DMRT3: variants seen among roughly 807,000 people sequenced by gnomAD.
DMRT3 encodes the protein doublesex and mab-3 related transcription factor 3.
Under a neutral mutation model 34.9 loss-of-function variants are expected in DMRT3, and 29 were observed. That is an observed-to-expected ratio of 0.83 (90% CI 0.62 to 1.13). The LOEUF is 1.13. Among genes scored for constraint, DMRT3 ranks in the 50% most tolerant of loss-of-function variants. The pLI, the probability that DMRT3 is intolerant of heterozygous loss-of-function variation, is 0.00. For missense variants in DMRT3, 772 were observed against 629.1 expected (o/e 1.23, Z -2.43); for synonymous variants, 350 against 286.0 (o/e 1.22, Z -2.26).
intron 1 of DMRT3, among the ~76,000 whole-genome samples, chr9:987,015 T>C (rs1820293185): frequency 6.6e-6 from 1 of 152,320 alleles, no homozygotes; most frequent in Admixed American, 6.5e-5. Context: ...ACTATGACAC[T>C]GTGTGGCATA....
chr9:979,210 T>C (rs930968991), intron 1 of DMRT3, among the ~76,000 whole-genome samples: 17 of 152,124 alleles, frequency 1.1e-4, no homozygotes, highest in African/African-American at 3.9e-4. Context: ...CTAAAGTTCA[T>C]GATTTCTAAA....
rs1161917549 is a variant in DMRT3, at chr9:976,837, T to G, written c.-165T>G. On this transcript the variant is annotated 5_prime_UTR_variant, in exon 1 of 2. Transcript: ENST00000190165. The surrounding 1 kb of genome is among the most constrained non-coding windows in gnomAD (Gnocchi z 4.5). Reference sequence around the variant, plus strand: ...GCGCGAAGGGAGCTGGAGAGACGACTGCGGCACCTCCGGCCGCCCCGGAGC... The same window carrying G: ...GCGCGAAGGGAGCTGGAGAGACGACGGCGGCACCTCCGGCCGCCCCGGAGC... 15 of 600,076 alleles carry G rather than the reference T, an allele frequency of 2.5e-5. No individual in the cohort carries two copies. The highest frequency in any genetic ancestry group is 3.5e-5 in the Non-Finnish European group (14 of 397,036). The allele number at this position is 600,076 out of a possible 1,614,324, so 37.2% of individuals were successfully genotyped here.
At chr9:984,778 C>T (rs904709750) in intron 1 of DMRT3, among the ~76,000 whole-genome samples, 1 of 152,044 alleles carries the variant, frequency 6.6e-6, no homozygotes, top group Admixed American at 6.6e-5. Context: ...TTTTATGCAT[C>T]GTGAGCAGAA....
In DMRT3 at chr9:990,391, C is replaced by A; in HGVS notation, c.805C>A (p.Leu269Ile). 6.2e-7 allele frequency: 1 copy of A among 1,614,092 alleles called. No individual in the cohort carries two copies. Among genetic ancestry groups the A allele is most frequent in the Non-Finnish European group, 8.5e-7 (1 of 1,180,046 alleles). ...FPNQKPTVLE[L>I]ILKGCGGDLV... ...CAACCAGAAGCCAACGGTGCTTGAG[C>A]TCATCCTCAAGGGCTGTGGCGGGGA... The change falls in exon 2 of 2, where the codon CTC becomes ATC. Residue 269 changes from leucine (L) to isoleucine (I), a missense_variant. Coordinates refer to ENST00000190165, the MANE Select transcript of DMRT3 (RefSeq NM_021240.4).
intron 1 of DMRT3, among the ~76,000 whole-genome samples, chr9:982,748 C>T (rs576298227): frequency 2.6e-5 from 4 of 152,336 alleles, no homozygotes; most frequent in East Asian, 3.9e-4. Flanking sequence ...TTCTTCCTGA[C>T]GGGAAGGAGG....
chr9:987,479 T>A (rs930323192), intron 1 of DMRT3, among the ~76,000 whole-genome samples: 1 of 151,414 alleles, frequency 6.6e-6, no homozygotes, highest in Admixed American at 6.6e-5. Context: ...TATACATTCA[T>A]GCACTGATGG....
chr9:986,449 C>G (rs886070837), intron 1 of DMRT3, among the ~76,000 whole-genome samples: 1 of 152,100 alleles, frequency 6.6e-6, no homozygotes, highest in Non-Finnish European at 1.5e-5. Context: ...TTTCTGGAGA[C>G]TGAAGTGTAC....
At position 976,980 on chromosome 9, in the gene DMRT3, A is replaced by AACTC; in HGVS notation, c.-20_-17dup. On this transcript the variant is annotated 5_prime_UTR_variant, in exon 1 of 2. Coordinates refer to ENST00000190165, the MANE Select transcript of DMRT3 (RefSeq NM_021240.4). This position sits in a 1 kb window ranked among gnomAD's most constrained non-coding sequence, Gnocchi z 4.5. ...GGCCCTCTCCCGCAGCCAGGCTGCCAACTCATTCGGGAGCCCGGGGCATGA... is the reference window on the plus strand; with the variant it reads ...GGCCCTCTCCCGCAGCCAGGCTGCCAACTCACTCATTCGGGAGCCCGGGGCATGA... 1 of 1,462,334 alleles carries AACTC rather than the reference A, an allele frequency of 6.8e-7. No homozygotes were observed. 90.6% of individuals were successfully genotyped at this position (1,462,334 alleles called of 1,614,324 possible). A position where few individuals can be genotyped will look rare whatever the true frequency, so the allele number is the denominator to read the frequency against.
At position 990,176 on chromosome 9, in the gene DMRT3, T is replaced by G; in HGVS notation, c.590T>G (p.Ile197Arg). 1.2e-6 allele frequency: 2 copies of G among 1,613,718 alleles called. No individual in the cohort carries two copies. The highest frequency in any genetic ancestry group is 2.7e-5 in the African/African-American group (2 of 74,878). The change falls in exon 2 of 2, where the codon ATA (isoleucine) becomes AGA (arginine). Residue 197 changes from isoleucine (I) to arginine (R), a missense_variant. Coordinates refer to ENST00000190165, the MANE Select transcript of DMRT3 (RefSeq NM_021240.4). The stretch of plus-strand genomic sequence containing the variant: ...TGCTTCACCCCTGAGAGCCCTGAGA[T>G]AGTGTCCGTGGAGGAAGGGGGATAC... Reference protein sequence around the residue: ...KGCFTPESPEIVSVEEGGYAV... With the variant: ...KGCFTPESPERVSVEEGGYAV...
At chr9:986,128 G>C (rs1820279990) in intron 1 of DMRT3, among the ~76,000 whole-genome samples, 1 of 152,192 alleles carries the variant, frequency 6.6e-6, no homozygotes, top group South Asian at 2.1e-4. Context: ...CAGGGGCAAA[G>C]GGTAACACAA....
At chr9:986,895 A>AC in intron 1 of DMRT3, among the ~76,000 whole-genome samples, 1 of 151,444 alleles carries the variant, frequency 6.6e-6, no homozygotes, top group African/African-American at 2.4e-5. Flanking sequence ...TGTCTCAAAA[A>AC]AAAAAAAAAA....
intron 1 of DMRT3, among the ~76,000 whole-genome samples, chr9:985,066 T>C (rs1007039922): frequency 1.3e-5 from 2 of 152,228 alleles, no homozygotes; most frequent in African/African-American, 4.8e-5. Flanking sequence ...TAATTGAATA[T>C]CTACTTCTTT....
Position 977,017 on chromosome 9 carries a change from TC to T in DMRT3, c.21del (p.Tyr8ThrfsTer146). 1 of 1,515,292 alleles carries T rather than the reference TC, an allele frequency of 6.6e-7. No homozygotes were observed. Among genetic ancestry groups the T allele is most frequent in the Non-Finnish European group, 8.8e-7 (1 of 1,133,078 alleles). The allele number at this position is 1,515,292 out of a possible 1,614,324, so 93.9% of individuals were successfully genotyped here. On this transcript the variant is annotated frameshift_variant, in exon 1 of 2. Transcript: ENST00000190165. LOFTEE classifies it high-confidence loss of function. The part of the protein sequence containing the change: MNGYG[S>X]PYLYMGGPVS... ...AGCCCGGGGCATGAACGGCTACGGC[TC>T]CCCCTACCTGTACATGGGCGGCCCG...
chr9:984,187 T>C (rs959734544), intron 1 of DMRT3, among the ~76,000 whole-genome samples: 1 of 152,194 alleles, frequency 6.6e-6, no homozygotes, highest in Non-Finnish European at 1.5e-5. Flanking sequence ...ATTTATGTGC[T>C]TTGAAAACTA....
intron 1 of DMRT3, among the ~76,000 whole-genome samples, chr9:979,343 C>G (rs75600641): frequency 0.011 from 1,724 of 152,258 alleles, 24 homozygotes; most frequent in African/African-American, 0.039. Context: ...CGGATCTCAA[C>G]TGGACAAAGC....
chr9:978,700 C>G (rs1269526708), intron 1 of DMRT3, among the ~76,000 whole-genome samples: 2 of 152,194 alleles, frequency 1.3e-5, no homozygotes, highest in Admixed American at 1.3e-4. Context: ...GCTGCCCTGT[C>G]TTTCCGCCAT....
Position 990,575 on chromosome 9 carries a change from T to A in DMRT3, c.989T>A (p.Val330Glu). 6.2e-7 allele frequency: 1 copy of A among 1,614,146 alleles called. No homozygotes were observed. Among genetic ancestry groups the A allele is most frequent in the Non-Finnish European group, 8.5e-7 (1 of 1,180,026 alleles). The change falls in exon 2 of 2, where the codon GTG becomes GAG. Residue 330 changes from valine (V) to glutamate (E), a missense_variant. By Grantham distance (121) the Val-to-Glu change is moderately radical. Transcript: ENST00000190165. The part of the protein sequence containing the change: ...SYPISSSKWS[V>E]GSAFRVPDTL... ...CCCATCTCGTCTTCCAAATGGTCTGTGGGATCAGCCTTTCGAGTCCCAGAC... is the reference window on the plus strand; with the variant it reads ...CCCATCTCGTCTTCCAAATGGTCTGAGGGATCAGCCTTTCGAGTCCCAGAC...
In DMRT3 at chr9:990,923, C is replaced by T; in HGVS notation, c.1337C>T (p.Ser446Leu). The T allele has an allele frequency of 6.2e-7, 1 of 1,614,124 alleles. No individual in the cohort carries two copies. Among genetic ancestry groups the T allele is most frequent in the Non-Finnish European group, 8.5e-7 (1 of 1,180,044 alleles). The change falls in exon 2 of 2, where the codon TCA (serine) becomes TTA (leucine). Residue 446 changes from serine (S) to leucine (L), a missense_variant. Coordinates refer to ENST00000190165, the MANE Select transcript of DMRT3 (RefSeq NM_021240.4). ...CCTGATGATGGGTGTCCATTTGTGT[C>T]AAAGCAGTCCATTTACACCGAGGAC... ...SIPDDGCPFV[S>L]KQSIYTEDDY...
intron 1 of DMRT3, among the ~76,000 whole-genome samples, chr9:979,007 C>G (rs1249616421): frequency 6.6e-6 from 1 of 152,096 alleles, no homozygotes; most frequent in Admixed American, 6.5e-5. Context: ...TGGATTTGTA[C>G]CAATATATTT....
Sources: allele counts gnomAD v4.1 joint callset (sites outside exome capture counted in the v4.1 genomes callset), GRCh38; gene constraint gnomAD v4.1.1; non-coding constraint Gnocchi (gnomAD v3.1); transcripts MANE v1.5; gene names NCBI Gene and HGNC (gene_info 2026-07-23, HGNC 2026-07-21).